MLH3: variants seen among roughly 807,000 people sequenced by gnomAD.
MLH3 encodes mutL homolog 3.
Under a neutral mutation model 122.2 loss-of-function variants are expected in MLH3, and 82 were observed. The observed-to-expected ratio is 0.67, with a 90% confidence interval of 0.56 to 0.81. MLH3 has a LOEUF of 0.81. Among genes scored for constraint, MLH3 ranks in the 30% least tolerant of loss-of-function variants. The pLI is 0.00. For synonymous variants in MLH3, 524 were observed against 599.5 expected (o/e 0.87, Z 1.84); for missense variants, 1,539 against 1,714.5 (o/e 0.90, Z 1.81).
Position 75,048,973 on chromosome 14 carries a change from A to G in MLH3, c.683T>C (p.Phe228Ser). The change falls in exon 2 of 13, where the codon TTT becomes TCT. Residue 228 changes from phenylalanine to serine, a missense_variant. Physicochemically the swap from Phe to Ser is radical, Grantham distance 155. Coordinates refer to ENST00000355774, the MANE Select transcript of MLH3 (RefSeq NM_001040108.2). ...GKSQKLREIS[F>S]KYKEFELSGY... Reference sequence around the variant, plus strand: ...ACTAAGCTCAAACTCTTTATATTTAAAACTTATTTCTCTTAGCTTTTGGGA... The same window carrying G: ...ACTAAGCTCAAACTCTTTATATTTAGAACTTATTTCTCTTAGCTTTTGGGA... The G allele has an allele frequency of 7.4e-6, 12 of 1,613,692 alleles. No homozygotes were observed. The highest frequency in any genetic ancestry group is 1.0e-5 in the Non-Finnish European group (12 of 1,179,882).
intron 6 of MLH3, chr14:75,036,499 C>G (rs999627405): frequency 2.8e-6 from 1 of 357,822 alleles, no homozygotes; most frequent in Non-Finnish European, 5.6e-6. Flanking sequence ...CATCTGCCAC[C>G]ATGTCCAGCT....
rs773527064 is a variant in MLH3, at chr14:75,047,429, T to TA, written c.2226dup (p.Lys743Ter). On this transcript the variant is annotated frameshift_variant, in exon 2 of 13. Coordinates refer to ENST00000355774, the MANE Select transcript of MLH3 (RefSeq NM_001040108.2). LOFTEE classifies it high-confidence loss of function. ...AGCTGTGAACTCAAGCTTAGCTTCTTACGGACGATTGGTTTGGAGAAACCA... is the reference window on the plus strand; with the variant it reads ...AGCTGTGAACTCAAGCTTAGCTTCTTAACGGACGATTGGTTTGGAGAAACCA... 2.5e-6 allele frequency: 4 copies of TA among 1,614,016 alleles called. No homozygotes were observed. Among genetic ancestry groups the TA allele is most frequent in the Non-Finnish European group, 3.4e-6 (4 of 1,180,014 alleles).
chr14:75,023,586 G>A (rs1325059587), intron 9 of MLH3, among the ~76,000 whole-genome samples: 1 of 152,088 alleles, frequency 6.6e-6, no homozygotes, highest in Non-Finnish European at 1.5e-5. Context: ...CTCCTCCCTT[G>A]CATGTCTCTG....
chr14:75,019,180 G>A (rs1890101471), intron 11 of MLH3, 200 bp from the exon 12 acceptor site: 1 of 555,752 alleles, frequency 1.8e-6, no homozygotes, highest in African/African-American at 1.9e-5. Flanking sequence ...GGGAGGCTGA[G>A]GCGGGCAGAT....
chr14:75,039,862 TATATATATATATATATA>T, intron 5 of MLH3, 32 bp downstream of exon 5: 3 of 67,882 alleles, frequency 4.4e-5, no homozygotes, highest in South Asian at 2.9e-4. Flanking sequence ...TATATATATA[TATATATATATATATATA>T]TATTTATGAG....
intron 9 of MLH3, among the ~76,000 whole-genome samples, chr14:75,026,700 T>C (rs928305759): frequency 3.3e-5 from 5 of 152,184 alleles, no homozygotes; most frequent in Middle Eastern, 3.4e-3. Flanking sequence ...CATAGGGAAA[T>C]TGCAGAACAC....
At chr14:75,033,237 A>C (rs1891169349) in intron 7 of MLH3, among the ~76,000 whole-genome samples, 182 bp downstream of exon 7, 1 of 152,208 alleles carries the variant, frequency 6.6e-6, no homozygotes, top group South Asian at 2.1e-4. Flanking sequence ...ACATCTTTCA[A>C]TTAGTGAACT....
In MLH3 at chr14:75,042,446, G is replaced by T. The variant is rs149369905; in HGVS notation, c.3312C>A (p.Ser1104Arg). The T allele has an allele frequency of 3.1e-6, 5 of 1,614,108 alleles. No homozygotes were observed. The highest frequency in any genetic ancestry group is 4.2e-6 in the Non-Finnish European group (5 of 1,179,984). ...GSQYRCQPFR[S>R]DLVLPFLPRA... ...TCGGAAGGAAAGGAAGAACAAGGTC[G>T]CTTCTAAAAGGTTGACACCTGTACT... Residue 1104 changes from serine (S) to arginine (R), a missense_variant, in exon 3 of 13, where the codon AGC becomes AGA. Transcript: ENST00000355774.
At position 75,033,476 on chromosome 14, in the gene MLH3, C is replaced by T. The variant is rs560775993; in HGVS notation, c.3658G>A (p.Val1220Met). ...ENGEAGGNLLVLVDQHAAHER... is the reference protein window; with the variant it reads ...ENGEAGGNLLMLVDQHAAHER... ...TGGGCAGCGTGCTGATCCACCAGCA[C>T]GAGCAGGTTCCCACCTAGATGAGCA... Residue 1220 changes from valine (V) to methionine (M), a missense_variant, in exon 7 of 13, where the codon GTG becomes ATG. Val to Met is a conservative substitution (Grantham distance 21). Coordinates refer to ENST00000355774, the MANE Select transcript of MLH3 (RefSeq NM_001040108.2). The T allele has an allele frequency of 1.3e-5, 21 of 1,613,932 alleles. No homozygotes were observed. The highest frequency in any genetic ancestry group is 7.7e-5 in the South Asian group (7 of 91,062).
At chr14:75,051,281 T>A (rs1892648318) in intron 1 of MLH3, 99 bp downstream of exon 1, 1 of 152,298 alleles carries the variant, frequency 6.6e-6, no homozygotes, top group South Asian at 2.1e-4. Context: ...CCCTCGCGCA[T>A]CCGGCTCCGA....
Position 75,048,267 on chromosome 14 carries a change from G to A in MLH3, c.1389C>T (p.Ser463=), listed in dbSNP as rs2139584398. The A allele has an allele frequency of 6.2e-7, 1 of 1,613,976 alleles. No individual in the cohort carries two copies. The highest frequency in any genetic ancestry group is 8.5e-7 in the Non-Finnish European group (1 of 1,179,998). The change falls in exon 2 of 13, where the codon AGC becomes AGT. Residue 463 remains serine, a synonymous_variant. Transcript: ENST00000355774. The part of the protein sequence containing the change: ...MTEPSLQNKD[S]SCSESKMLEQ... ...CTAACATCTTTGATTCTGAGCAAGA[G>A]CTGTCTTTGTTTTGTAAAGATGGCT... is the stretch of plus-strand genomic sequence containing the variant.
Position 75,042,442 on chromosome 14 carries a change from G to A in MLH3, c.3316C>T (p.Leu1106Phe), listed in dbSNP as rs752409251. The A allele has an allele frequency of 5.6e-6, 9 of 1,614,132 alleles. No individual in the cohort carries two copies. The Admixed American group carries it at 1.3e-4, about 24-fold the overall frequency. Residue 1106 changes from leucine (L) to phenylalanine (F), a missense_variant, in exon 3 of 13, where the codon CTT becomes TTT. Physicochemically the swap from Leu to Phe is conservative, Grantham distance 22. Transcript: ENST00000355774. ...GCTCTCGGAAGGAAAGGAAGAACAA[G>A]GTCGCTTCTAAAAGGTTGACACCTG... ...QYRCQPFRSD[L>F]VLPFLPRARA...
Position 75,048,497 on chromosome 14 carries a change from T to G in MLH3, c.1159A>C (p.Arg387=). Residue 387 remains arginine, a synonymous_variant, in exon 2 of 13, where the codon AGG becomes CGG. Coordinates refer to ENST00000355774, the MANE Select transcript of MLH3 (RefSeq NM_001040108.2). ...TTACATGCTTCCTGGAAATTGCTCC[T>G]CTCATCGGAAGTCACACGCTTCTGA... is the stretch of plus-strand genomic sequence containing the variant. ...TLQKRVTSDE[R]SNFQEACNNI... is the part of the protein sequence containing the mutation. 1 of 1,613,212 alleles carries G rather than the reference T, an allele frequency of 6.2e-7. No homozygotes were observed. The highest frequency in any genetic ancestry group is 8.5e-7 in the Non-Finnish European group (1 of 1,179,816).
intron 6 of MLH3, among the ~76,000 whole-genome samples, chr14:75,037,810 C>T (rs1475978388): frequency 6.6e-6 from 1 of 151,854 alleles, no homozygotes; most frequent in Non-Finnish European, 1.5e-5. Context: ...AAAAAAAAGA[C>T]AAAAAGAGTA....
In MLH3 at chr14:75,047,697, T is replaced by A. The variant is rs752173231; in HGVS notation, c.1959A>T (p.Pro653=). The change falls in exon 2 of 13, where the codon CCA becomes CCT. Residue 653 remains proline, a synonymous_variant. Coordinates refer to ENST00000355774, the MANE Select transcript of MLH3 (RefSeq NM_001040108.2). The stretch of plus-strand genomic sequence containing the variant: ...AAGTGCTGGCTAAATCTTTGATGTC[T>A]GGAGTTTCAACTGAATGACGTGTTC... ...GNRTRHSVET[P]DIKDLASTLS... 6.2e-7 allele frequency: 1 copy of A among 1,614,164 alleles called. No homozygotes were observed. The highest frequency in any genetic ancestry group is 1.7e-5 in the Admixed American group (1 of 60,028).
chr14:75,035,062 C>CAAAAAAA (rs36096670), intron 6 of MLH3, among the ~76,000 whole-genome samples: 34 of 40,062 alleles, frequency 8.5e-4, no homozygotes, highest in Admixed American at 1.3e-3. Flanking sequence ...GACTCCATCT[C>CAAAAAAA]AAAAAAAAAA....
chr14:75,031,419 T>C (rs559528595), intron 8 of MLH3, among the ~76,000 whole-genome samples: 1 of 152,264 alleles, frequency 6.6e-6, no homozygotes, highest in African/African-American at 2.4e-5. Flanking sequence ...AAGCATGGCA[T>C]AAACACAGAC....
At chr14:75,027,681 A>C (rs767987015) in intron 9 of MLH3, among the ~76,000 whole-genome samples, 2,520 of 148,924 alleles carry the variant, frequency 0.017, 97 homozygotes, top group African/African-American at 0.039. Context: ...AAAAAAAAAA[A>C]AAAAAAAAAA....
chr14:75,033,622 T>C (rs943093643), intron 6 of MLH3, 132 bp from the exon 7 acceptor site: 6 of 711,118 alleles, frequency 8.4e-6, no homozygotes, highest in South Asian at 1.5e-5. Context: ...GGAGTAACAA[T>C]TGTATCTTTT....
Sources: allele counts gnomAD v4.1 joint callset (sites outside exome capture counted in the v4.1 genomes callset), GRCh38; gene constraint gnomAD v4.1.1; transcripts MANE v1.5; gene names NCBI Gene and HGNC (gene_info 2026-07-23, HGNC 2026-07-21).